ALG1L2: variants seen among roughly 807,000 people sequenced by gnomAD.
ALG1L2 encodes putative glycosyltransferase ALG1L2.
A neutral mutation model predicts 29.0 loss-of-function variants in ALG1L2; 32 were observed. The observed-to-expected ratio is 1.10, with a 90% CI of 0.83 to 1.48. The LOEUF is 1.48. ALG1L2 is among the 40% of genes most tolerant of loss of function. ALG1L2 has a pLI of 0.00. For synonymous variants in ALG1L2, 110 were observed against 109.5 expected (o/e 1.00, Z -0.03); for missense variants, 318 against 274.1 (o/e 1.16, Z -1.13).
chr3:130,084,180 G>T (rs1192769868), intron 1 of ALG1L2, among the ~76,000 whole-genome samples: 1 of 150,956 alleles, frequency 6.6e-6, no homozygotes, highest in Non-Finnish European at 1.5e-5. Flanking sequence ...TGGGACAACA[G>T]CTGGGTATGG....
intron 1 of ALG1L2, among the ~76,000 whole-genome samples, chr3:130,088,228 A>T: frequency 6.6e-6 from 1 of 152,304 alleles, no homozygotes; most frequent in Non-Finnish European, 1.5e-5. Context: ...AGTGGCCAAT[A>T]TGCATTCAAG....
chr3:130,092,832 A>G (rs1935046595), intron 3 of ALG1L2, among the ~76,000 whole-genome samples: 1 of 152,134 alleles, frequency 6.6e-6, no homozygotes, highest in Non-Finnish European at 1.5e-5. Context: ...GGAGTTTGAG[A>G]CCAACCTGGC....
At chr3:130,094,205 G>A in intron 4 of ALG1L2, 198 bp from the exon 5 acceptor site, 2 of 637,262 alleles carry the variant, frequency 3.1e-6, no homozygotes, top group Non-Finnish European at 5.5e-6. Flanking sequence ...ATGCATCAGG[G>A]GTCAGGGTGC....
chr3:130,091,742 G>A, intron 2 of ALG1L2: 1 of 584,440 alleles, frequency 1.7e-6, no homozygotes, highest in Non-Finnish European at 3.2e-6. Context: ...TGTCTCATGG[G>A]GCTAAGGAAG....
chr3:130,098,370 G>A lies in ALG1L2; in HGVS notation c.*115G>A. ...CTTTGGTTATGGACACATAACTCCT[G>A]GGCCAGAGGCTAAAACCCCAGGGCC... is the stretch of plus-strand genomic sequence containing the variant. On this transcript the variant is annotated 3_prime_UTR_variant, in exon 8 of 8. Coordinates refer to ENST00000425059, the MANE Select transcript of ALG1L2 (RefSeq NM_001136152.1). 3.1e-6 allele frequency: 5 copies of A among 1,596,062 alleles called. No homozygotes were observed. The highest frequency in any genetic ancestry group is 4.2e-6 in the Non-Finnish European group (5 of 1,179,574).
rs1468944874 is a variant in ALG1L2, at chr3:130,097,264, C to T, written c.615+14C>T. The T allele has an allele frequency of 7.5e-6, 12 of 1,605,282 alleles. No individual in the cohort carries two copies. The highest frequency in any genetic ancestry group is 9.3e-6 in the Non-Finnish European group (11 of 1,179,620). On this transcript the variant is annotated intron_variant, in intron 7 of 7. Coordinates refer to ENST00000425059, the MANE Select transcript of ALG1L2 (RefSeq NM_001136152.1). ...GCTCAGCTGCAGGTAGCCATGTCTGCCACCACGCCAGGGTGGACAGGGTTC... is the reference window on the plus strand; with the variant it reads ...GCTCAGCTGCAGGTAGCCATGTCTGTCACCACGCCAGGGTGGACAGGGTTC...
In ALG1L2 at chr3:130,098,345, C is replaced by T; in HGVS notation, c.*90C>T. On this transcript the variant is annotated 3_prime_UTR_variant, in exon 8 of 8. Transcript: ENST00000425059. ...GAGAGCTGGGTGCAGACTGTGCTCC[C>T]TTTGGTTATGGACACATAACTCCTG... 1.3e-5 allele frequency: 20 copies of T among 1,596,406 alleles called. No individual in the cohort carries two copies. In the South Asian group the frequency reaches 2.0e-4, roughly 16 times the overall value.
chr3:130,096,225 G>A lies in ALG1L2; in HGVS notation c.539+62G>A, dbSNP rs372689226. 1.9e-3 allele frequency: 3,039 copies of A among 1,570,632 alleles called. 6 individuals are homozygous for A. The highest frequency in any genetic ancestry group is 2.3e-3 in the Non-Finnish European group (2,642 of 1,154,676). The stretch of plus-strand genomic sequence containing the variant: ...TCACAGATCCACCGCTGAGGGGGAA[G>A]CAGTGCAGAGTGAGCTGCCCACAGT... On this transcript the variant is annotated intron_variant, in intron 6 of 7. Coordinates refer to ENST00000425059, the MANE Select transcript of ALG1L2 (RefSeq NM_001136152.1).
intron 4 of ALG1L2, 72 bp from the exon 5 acceptor site, chr3:130,094,331 G>T (rs1196472783): frequency 5.2e-6 from 8 of 1,536,296 alleles, no homozygotes; most frequent in Non-Finnish European, 7.1e-6. Flanking sequence ...CTAGGGGGGA[G>T]TGTCTTGGGC....
chr3:130,097,605 T>C (rs1935171936), intron 7 of ALG1L2, among the ~76,000 whole-genome samples: 1 of 152,234 alleles, frequency 6.6e-6, no homozygotes. Context: ...GGTGGAATTC[T>C]GCAAAGGTTA....
chr3:130,094,633 G>C (rs999402505), intron 5 of ALG1L2, 120 bp downstream of exon 5: 1 of 1,135,206 alleles, frequency 8.8e-7, no homozygotes, highest in African/African-American at 1.5e-5. Flanking sequence ...ACAGGACCTG[G>C]GCTCTAGCTG....
Position 130,091,672 on chromosome 3 carries a change from C to G in ALG1L2, c.131+301C>G. Reference sequence around the variant, plus strand: ...TTAAGGAATGTTAAAGGGTCTTACTCTCCTGCCAATGGGTTCCCAGGCCTG... The same window carrying G: ...TTAAGGAATGTTAAAGGGTCTTACTGTCCTGCCAATGGGTTCCCAGGCCTG... On this transcript the variant is annotated intron_variant, in intron 2 of 7. Coordinates refer to ENST00000425059, the MANE Select transcript of ALG1L2 (RefSeq NM_001136152.1). The G allele has an allele frequency of 7.4e-6, 4 of 538,232 alleles. No homozygotes were observed. In the South Asian group the frequency reaches 7.5e-5, roughly 10 times the overall value. 33.3% of individuals were successfully genotyped at this position (538,232 alleles called of 1,614,324 possible).
rs200821293 is a variant in ALG1L2 at position 130,092,100 on chromosome 3, G to T, written c.132-1G>T. 9 of 1,613,512 alleles carry T rather than the reference G, an allele frequency of 5.6e-6. No homozygotes were observed. The highest frequency in any genetic ancestry group is 7.6e-6 in the Non-Finnish European group (9 of 1,179,810). On this transcript the variant is annotated splice_acceptor_variant, in intron 2 of 7. Transcript: ENST00000425059. LOFTEE classifies it high-confidence loss of function. ...CACAGGGTTTTTTTCTGCTCCTTCA[G>T]CTCAGAACCTGAGGACCCAGACACA...
intron 1 of ALG1L2, among the ~76,000 whole-genome samples, chr3:130,085,952 G>A (rs1382656142): frequency 1.3e-5 from 2 of 151,486 alleles, no homozygotes; most frequent in African/African-American, 2.4e-5. Flanking sequence ...TCCTGATAAT[G>A]TGCCAAAGAC....
intron 1 of ALG1L2, among the ~76,000 whole-genome samples, chr3:130,090,534 T>C (rs1934993707): frequency 6.6e-6 from 1 of 152,300 alleles, no homozygotes; most frequent in Non-Finnish European, 1.5e-5. Flanking sequence ...GAGATAATGC[T>C]CATTTCTCAC....
chr3:130,090,039 A>G lies in ALG1L2; in HGVS notation c.21-1222A>G, dbSNP rs377538152. 4.6e-5 allele frequency among the ~76,000 whole-genome samples: 7 copies of G among 151,990 alleles called. No individual in the cohort carries two copies. The East Asian group carries it at 1.4e-3, about 29-fold the overall frequency. On this transcript the variant is annotated intron_variant, in intron 1 of 7. Coordinates refer to ENST00000425059, the MANE Select transcript of ALG1L2 (RefSeq NM_001136152.1). Reference sequence around the variant, plus strand: ...CCTGGGGGACAAAAGTGAAAAATCCATCTCTAAATAAATAAATAGAAAAAT... The same window carrying G: ...CCTGGGGGACAAAAGTGAAAAATCCGTCTCTAAATAAATAAATAGAAAAAT...
Position 130,091,270 on chromosome 3 carries a change from C to A in ALG1L2, c.30C>A (p.Thr10=), listed in dbSNP as rs771066717. 1 of 1,599,282 alleles carries A rather than the reference C, an allele frequency of 6.3e-7. No individual in the cohort carries two copies. Among genetic ancestry groups the A allele is most frequent in the Non-Finnish European group, 8.5e-7 (1 of 1,179,652 alleles). MGATAGWAV[T]VYDKPASFFK... is the part of the protein sequence containing the mutation. ...CATGATTTCATTGCAGGGCTGTGAC[C>A]GTCTACGACAAGCCGGCATCTTTCT... is the stretch of plus-strand genomic sequence containing the variant. The change falls in exon 2 of 8, where the codon ACC becomes ACA. Residue 10 remains threonine (T), a synonymous_variant. Transcript: ENST00000425059.
intron 5 of ALG1L2, among the ~76,000 whole-genome samples, chr3:130,095,269 G>T (rs577892823): frequency 1.3e-5 from 2 of 152,104 alleles, no homozygotes; most frequent in African/African-American, 4.8e-5. Context: ...GACCTCAAGT[G>T]ATCCTCTCGC....
chr3:130,091,808 G>T, intron 2 of ALG1L2: 1 of 636,630 alleles, frequency 1.6e-6, no homozygotes, highest in Non-Finnish European at 2.9e-6. Flanking sequence ...AGCTGGGGTG[G>T]TGTGGGAGGG....
Sources: allele counts gnomAD v4.1 joint callset (sites outside exome capture counted in the v4.1 genomes callset), GRCh38; gene constraint gnomAD v4.1.1; transcripts MANE v1.5; gene names NCBI Gene and HGNC (gene_info 2026-07-23, HGNC 2026-07-21).